ADARB2: variants seen among roughly 807,000 people sequenced by gnomAD.
The protein encoded by ADARB2 is inactive double-stranded RNA-specific editase B2.
In ADARB2, 25 loss-of-function variants were observed where a neutral mutation model predicts 62.2. The observed-to-expected ratio is 0.40, with a 90% CI of 0.29 to 0.56. ADARB2 has a LOEUF of 0.56. ADARB2 is among the 20% of genes least tolerant of loss of function. The pLI, the probability that ADARB2 is intolerant of heterozygous loss-of-function variation, is 0.43. For synonymous variants in ADARB2, 572 were observed against 500.8 expected (o/e 1.14, Z -1.90); for missense variants, 1,071 against 1,077.4 (o/e 0.99, Z 0.08).
chr10:1,517,690 A>G (rs948942833), intron 1 of ADARB2, among the ~76,000 whole-genome samples: 1 of 152,180 alleles, frequency 6.6e-6, no homozygotes, highest in Admixed American at 6.5e-5. Flanking sequence ...CACCATCCCA[A>G]GGTGGGGTGG....
chr10:1,715,796 T>C (rs1286977729), intron 1 of ADARB2, among the ~76,000 whole-genome samples: 1 of 152,242 alleles, frequency 6.6e-6, no homozygotes, highest in Non-Finnish European at 1.5e-5. Flanking sequence ...GTTCCAGAGC[T>C]GCCTTGCAGC....
At chr10:1,306,774 G>T (rs1429879240) in intron 3 of ADARB2, among the ~76,000 whole-genome samples, 3 of 149,240 alleles carry the variant, frequency 2.0e-5, no homozygotes, top group African/African-American at 7.3e-5. Flanking sequence ...CAGAAATAAC[G>T]CCGCATATCT....
chr10:1,634,963 A>G (rs1167783859), intron 1 of ADARB2, among the ~76,000 whole-genome samples: 1 of 152,244 alleles, frequency 6.6e-6, no homozygotes, highest in Non-Finnish European at 1.5e-5. Flanking sequence ...AAGCAAACCA[A>G]TCTGTATTTG....
chr10:1,502,969 C>A (rs1195238996), intron 1 of ADARB2, among the ~76,000 whole-genome samples: 1 of 152,112 alleles, frequency 6.6e-6, no homozygotes, highest in Non-Finnish European at 1.5e-5. Flanking sequence ...TTGCGGCAAT[C>A]TAGCATATTA....
At chr10:1,676,125 AT>A (rs1204970558) in intron 1 of ADARB2, 1 of 924,312 alleles carries the variant, frequency 1.1e-6, no homozygotes, top group Non-Finnish European at 1.3e-6. Flanking sequence ...CAAAATTGCC[AT>A]TTTGGGTCTT....
chr10:1,544,987 T>A (rs1362767074), intron 1 of ADARB2, among the ~76,000 whole-genome samples: 1 of 8,998 alleles, frequency 1.1e-4, no homozygotes, highest in East Asian at 7.4e-3. Context: ...ACACACACAA[T>A]GTCCCTTGCA....
intron 1 of ADARB2, among the ~76,000 whole-genome samples, chr10:1,731,626 C>G (rs1296578702): frequency 6.6e-6 from 1 of 152,162 alleles, no homozygotes; most frequent in African/African-American, 2.4e-5. Context: ...AAGTATTAAG[C>G]AGCCTCTGTT....
chr10:1,721,499 G>A (rs186410853), intron 1 of ADARB2, among the ~76,000 whole-genome samples: 1 of 152,164 alleles, frequency 6.6e-6, no homozygotes, highest in East Asian at 1.9e-4. Flanking sequence ...ATCACAGGGA[G>A]TGCAAAGACA....
chr10:1,296,823 T>C (rs948730001), intron 3 of ADARB2, among the ~76,000 whole-genome samples: 10 of 152,174 alleles, frequency 6.6e-5, no homozygotes, highest in Non-Finnish European at 1.0e-4. Flanking sequence ...AAATTCCTTT[T>C]TCACTCATCC....
chr10:1,617,988 T>C (rs542245272), intron 1 of ADARB2, among the ~76,000 whole-genome samples: 1 of 152,366 alleles, frequency 6.6e-6, no homozygotes, highest in South Asian at 2.1e-4. Context: ...TCCACTTTTT[T>C]CCCCTAAGGC....
chr10:1,411,348 G>T (rs1400751490), intron 1 of ADARB2, among the ~76,000 whole-genome samples: 1 of 152,172 alleles, frequency 6.6e-6, no homozygotes, highest in Non-Finnish European at 1.5e-5. Context: ...TCCGTCGTTA[G>T]CCCACCCGTC....
At chr10:1,544,334 G>T (rs764854670) in intron 1 of ADARB2, among the ~76,000 whole-genome samples, 2 of 152,230 alleles carry the variant, frequency 1.3e-5, no homozygotes, top group African/African-American at 4.8e-5. Flanking sequence ...TGAAGCCCCC[G>T]GGGGTGCGGA....
intron 1 of ADARB2, among the ~76,000 whole-genome samples, chr10:1,643,705 G>C (rs941345571): frequency 1.3e-5 from 2 of 152,144 alleles, no homozygotes; most frequent in African/African-American, 4.8e-5. Context: ...TGACCACAAA[G>C]GTCCCTTCCA....
At chr10:1,413,676 CG>C (rs1832777645) in intron 1 of ADARB2, among the ~76,000 whole-genome samples, 1 of 152,128 alleles carries the variant, frequency 6.6e-6, no homozygotes, top group South Asian at 2.1e-4. Context: ...CCCCTGGGGC[CG>C]GGCCTTCTGT....
At chr10:1,328,455 C>T (rs1831896925) in intron 3 of ADARB2, among the ~76,000 whole-genome samples, 1 of 152,200 alleles carries the variant, frequency 6.6e-6, no homozygotes, top group South Asian at 2.1e-4. Flanking sequence ...CAGACACTAC[C>T]TGAAAATCAA....
At chr10:1,636,100 G>A (rs916323533) in intron 1 of ADARB2, among the ~76,000 whole-genome samples, 3 of 152,172 alleles carry the variant, frequency 2.0e-5, no homozygotes, top group Non-Finnish European at 4.4e-5. Context: ...TTTATACCGG[G>A]AACTGGTTTC....
At chr10:1,678,759 C>G (rs976863661) in intron 1 of ADARB2, among the ~76,000 whole-genome samples, 1 of 151,998 alleles carries the variant, frequency 6.6e-6, no homozygotes, top group Non-Finnish European at 1.5e-5. Flanking sequence ...GTAAGTGTGG[C>G]CCCTTCCCTT....
At chr10:1,412,881 C>G (rs1564283220) in intron 1 of ADARB2, among the ~76,000 whole-genome samples, 1 of 152,274 alleles carries the variant, frequency 6.6e-6, no homozygotes, top group East Asian at 1.9e-4. Flanking sequence ...AATCCACCCG[C>G]AGTGTTTTTG....
At chr10:1,512,529 C>T (rs1831949671) in intron 1 of ADARB2, among the ~76,000 whole-genome samples, 1 of 152,242 alleles carries the variant, frequency 6.6e-6, no homozygotes, top group African/African-American at 2.4e-5. Flanking sequence ...TCATCATATG[C>T]ATTTCCTAGA....
Sources: gnomAD v4.1 joint callset for allele counts (sites outside exome capture counted in the v4.1 genomes callset) on GRCh38, gnomAD v4.1.1 for gene constraint, MANE v1.5 for transcripts, NCBI Gene and HGNC (gene_info 2026-07-23, HGNC 2026-07-21) for gene names.